Variants in TLCD4 observed in about 807,000 individuals in gnomAD.
TLCD4 encodes the protein TLC domain containing 4.
In TLCD4, 7 loss-of-function variants were observed where a neutral mutation model predicts 24.2. That is an observed-to-expected ratio of 0.29 (90% CI 0.16 to 0.54). TLCD4 has a LOEUF of 0.54. Among genes scored for constraint, TLCD4 ranks in the 20% least tolerant of loss-of-function variants. The probability of loss-of-function intolerance (pLI) is 0.95; values close to 1 mark genes in which losing one functional copy is unlikely to be tolerated. For missense variants in TLCD4, 259 were observed against 313.9 expected (o/e 0.82, Z 1.32); for synonymous variants, 103 against 106.4 (o/e 0.97, Z 0.20).
the TLCD4 span, among the ~76,000 whole-genome samples, chr1:95,109,342 T>TTAAA: frequency 1.3e-5 from 2 of 151,900 alleles, no homozygotes; most frequent in African/African-American, 4.8e-5. Flanking sequence ...GACCCTGACT[T>TTAAA]TAAATAAATA....
At chr1:95,175,713 G>A (rs573483285) in intron 6 of TLCD4, among the ~76,000 whole-genome samples, 1 of 151,994 alleles carries the variant, frequency 6.6e-6, no homozygotes, top group Admixed American at 6.5e-5. Flanking sequence ...CTGTTCTTCT[G>A]ATAGTAGCCA....
chr1:95,119,726 CCT>C (rs994246332), intron 1 of TLCD4, among the ~76,000 whole-genome samples: 11 of 150,762 alleles, frequency 7.3e-5, no homozygotes, highest in Non-Finnish European at 3.0e-5. Flanking sequence ...CGTTCATGTT[CCT>C]CTCTCAAAGC....
chr1:95,109,076 C>T, the TLCD4 span, among the ~76,000 whole-genome samples: 2 of 152,074 alleles, frequency 1.3e-5, no homozygotes, highest in African/African-American at 4.8e-5. Flanking sequence ...ACCTGTAATC[C>T]CAGGACTTTG....
the TLCD4 span, among the ~76,000 whole-genome samples, chr1:95,110,866 TA>T: frequency 0.6 from 71,304 of 119,480 alleles, 18,922 homozygotes; most frequent in East Asian, 0.81. Flanking sequence ...AAAAGAAAAG[TA>T]AAAAAAAAAA....
chr1:95,095,414 T>A, the TLCD4 span, among the ~76,000 whole-genome samples: 1 of 152,158 alleles, frequency 6.6e-6, no homozygotes, highest in Non-Finnish European at 1.5e-5. Flanking sequence ...TTATTTTTAT[T>A]TTTGAGACAG....
chr1:95,139,592 G>A (rs562965892), intron 1 of TLCD4, among the ~76,000 whole-genome samples: 15 of 151,418 alleles, frequency 9.9e-5, no homozygotes, highest in Non-Finnish European at 2.9e-5. Context: ...CTGAGTTGGT[G>A]AGACTACAGG....
At chr1:95,153,572 A>G (rs1677549801) in intron 5 of TLCD4, among the ~76,000 whole-genome samples, 1 of 152,166 alleles carries the variant, frequency 6.6e-6, no homozygotes, top group Non-Finnish European at 1.5e-5. Flanking sequence ...CACATCTGCT[A>G]AAACAGAAAG....
intron 1 of TLCD4, among the ~76,000 whole-genome samples, chr1:95,121,659 C>T (rs535379883): frequency 1.2e-4 from 18 of 152,244 alleles, no homozygotes; most frequent in Middle Eastern, 3.4e-3. Context: ...TTGGTAGAGA[C>T]GGGGTTTCAC....
At chr1:95,134,430 C>G (rs530270876) in intron 1 of TLCD4, among the ~76,000 whole-genome samples, 163 of 152,248 alleles carry the variant, frequency 1.1e-3, no homozygotes, top group African/African-American at 3.9e-3. Flanking sequence ...GTGCCAAGGC[C>G]ATCTCCTGAC....
the TLCD4 span, among the ~76,000 whole-genome samples, chr1:95,109,912 C>CATATAT: frequency 6.2e-5 from 5 of 80,258 alleles, no homozygotes; most frequent in Non-Finnish European, 1.2e-4. Context: ...TGTGTGTATG[C>CATATAT]ATATATATAT....
the TLCD4 span, among the ~76,000 whole-genome samples, chr1:95,093,830 A>G: frequency 6.6e-6 from 1 of 152,230 alleles, no homozygotes; most frequent in Non-Finnish European, 1.5e-5. Flanking sequence ...AACATGTCCC[A>G]AACTGAAATT....
intron 5 of TLCD4, among the ~76,000 whole-genome samples, chr1:95,168,384 T>C (rs2100980666): frequency 6.6e-6 from 1 of 152,186 alleles, no homozygotes; most frequent in South Asian, 2.1e-4. Flanking sequence ...GCTTACCCAC[T>C]TTTACCAGCC....
the TLCD4 span, among the ~76,000 whole-genome samples, chr1:95,103,681 C>G: frequency 2.0e-5 from 3 of 152,180 alleles, no homozygotes; most frequent in Non-Finnish European, 4.4e-5. Flanking sequence ...TTCATCCCAT[C>G]CCCTACAAAT....
upstream of TLCD4, among the ~76,000 whole-genome samples, chr1:95,114,214 G>A (rs1013515584): frequency 3.9e-5 from 6 of 152,140 alleles, no homozygotes; most frequent in Non-Finnish European, 8.8e-5. Flanking sequence ...ACATAAGCCA[G>A]TGTGCCTGGT....
the TLCD4 span, among the ~76,000 whole-genome samples, chr1:95,103,445 G>A: frequency 0.51 from 77,749 of 152,068 alleles, 21,353 homozygotes; most frequent in Non-Finnish European, 0.6. Flanking sequence ...GGGGAGAATC[G>A]TGAAATGTTT....
At chr1:95,111,171 A>ACC in the TLCD4 span, among the ~76,000 whole-genome samples, 1 of 151,866 alleles carries the variant, frequency 6.6e-6, no homozygotes, top group South Asian at 2.1e-4. Flanking sequence ...GGTAGTGTGC[A>ACC]CCTACCCAGC....
intron 2 of TLCD4, among the ~76,000 whole-genome samples, chr1:95,144,869 T>G (rs1677304871): frequency 6.6e-6 from 1 of 152,004 alleles, no homozygotes. Context: ...TTTTGTGTTT[T>G]TAGTAGAGAC....
chr1:95,159,096 A>G (rs1194246039), intron 5 of TLCD4, among the ~76,000 whole-genome samples: 1 of 152,182 alleles, frequency 6.6e-6, no homozygotes, highest in African/African-American at 2.4e-5. Flanking sequence ...GTCTTCCACA[A>G]TGGTTGAACT....
At chr1:95,165,482 T>TTC (rs1677985546) in intron 5 of TLCD4, among the ~76,000 whole-genome samples, 1 of 150,928 alleles carries the variant, frequency 6.6e-6, no homozygotes, top group Non-Finnish European at 1.5e-5. Context: ...TTTTTTTTTT[T>TTC]CAGACAAAGT....
Sources: gnomAD v4.1 joint callset for allele counts (sites outside exome capture counted in the v4.1 genomes callset) on GRCh38, gnomAD v4.1.1 for gene constraint, MANE v1.5 for transcripts, NCBI Gene and HGNC (gene_info 2026-07-23, HGNC 2026-07-21) for gene names.